Variants in BCAS3 observed in about 807,000 individuals in gnomAD.
BCAS3 encodes the protein BCAS4/BCAS3 fusion.
BCAS3 carries 53 observed loss-of-function variants against 116.1 expected under a neutral mutation model. The observed-to-expected ratio is 0.46, with a 90% confidence interval of 0.37 to 0.57. The LOEUF is 0.57. BCAS3 is among the 20% of genes least tolerant of loss of function. The probability of loss-of-function intolerance (pLI) is 0.00; values close to 1 mark genes in which losing one functional copy is unlikely to be tolerated. For missense variants in BCAS3, 917 were observed against 1,165.4 expected (o/e 0.79, Z 3.10); for synonymous variants, 391 against 408.2 (o/e 0.96, Z 0.51).
At chr17:60,917,414 A>G (rs2120223) in intron 12 of BCAS3, among the ~76,000 whole-genome samples, 111,281 of 152,076 alleles carry the variant, frequency 0.73, 42,019 homozygotes, top group African/African-American at 0.93. Flanking sequence ...TACAGTATTC[A>G]TCCTTTTGTG....
rs913465363 is a variant in BCAS3 at position 61,095,329 on chromosome 17, A to G, written c.2425+10765A>G. ...TTCTTTCTGTTTAGAAAATATTTTTATATAGAATGTAATTGATATTTCTAC... is the reference window on the plus strand; with the variant it reads ...TTCTTTCTGTTTAGAAAATATTTTTGTATAGAATGTAATTGATATTTCTAC... On this transcript the variant is annotated intron_variant, in intron 22 of 23. Coordinates refer to ENST00000407086, the MANE Select transcript of BCAS3 (RefSeq NM_017679.5). This position sits in a 1 kb window ranked among gnomAD's most constrained non-coding sequence, Gnocchi z 4.7. Among the ~76,000 whole-genome samples the G allele has an allele frequency of 3.9e-5, 6 of 152,238 alleles. No homozygotes were observed. The highest frequency in any genetic ancestry group is 9.6e-5 in the African/African-American group (4 of 41,468).
At chr17:60,745,005 AAGAC>A (rs1321942481) in intron 5 of BCAS3, among the ~76,000 whole-genome samples, 2 of 152,162 alleles carry the variant, frequency 1.3e-5, no homozygotes, top group African/African-American at 4.8e-5. Context: ...TGAGTATGCT[AAGAC>A]AGATTTGTTT....
rs561907922 is a variant in BCAS3, at chr17:60,921,167, C to T, written c.994-3240C>T. Among the ~76,000 whole-genome samples the T allele has an allele frequency of 2.4e-4, 36 of 152,194 alleles. No homozygotes were observed. In the South Asian group the frequency reaches 5.4e-3, roughly 23 times the overall value. ...AAGACATGGAATCAGCCTAAGTGCCCGCCAGCAGTGGATTCAATAAAGGAA... is the reference window on the plus strand; with the variant it reads ...AAGACATGGAATCAGCCTAAGTGCCTGCCAGCAGTGGATTCAATAAAGGAA... On this transcript the variant is annotated intron_variant, in intron 12 of 23. Coordinates refer to ENST00000407086, the MANE Select transcript of BCAS3 (RefSeq NM_017679.5).
At chr17:61,359,172 G>A (rs1490319022) in intron 22 of BCAS3, among the ~76,000 whole-genome samples, 1 of 152,094 alleles carries the variant, frequency 6.6e-6, no homozygotes, top group Non-Finnish European at 1.5e-5. Context: ...CTGGCCCAGT[G>A]TTCCCTCAGT....
chr17:60,771,401 G>A (rs2044692333), intron 6 of BCAS3, among the ~76,000 whole-genome samples: 1 of 151,406 alleles, frequency 6.6e-6, no homozygotes, highest in African/African-American at 2.5e-5. Context: ...ATTTTAAGTT[G>A]TCAGGATAAA....
intron 22 of BCAS3, among the ~76,000 whole-genome samples, chr17:61,102,394 A>G (rs1308269718): frequency 6.6e-6 from 1 of 152,174 alleles, no homozygotes; most frequent in Non-Finnish European, 1.5e-5. Context: ...GTTTTAGGTA[A>G]CATTTGGTTA....
chr17:61,385,263 G>A (rs2059789911), intron 23 of BCAS3, among the ~76,000 whole-genome samples: 1 of 152,144 alleles, frequency 6.6e-6, no homozygotes, highest in South Asian at 2.1e-4. Flanking sequence ...AGCACCAGGA[G>A]GCTGCCAGCC....
At chr17:60,851,586 G>T in intron 7 of BCAS3, 1 of 631,580 alleles carries the variant, frequency 1.6e-6, no homozygotes, top group South Asian at 1.7e-5. Flanking sequence ...TTGGGTTAAA[G>T]CTTGAAACGA....
intron 6 of BCAS3, among the ~76,000 whole-genome samples, chr17:60,775,977 T>C (rs1405848379): frequency 6.6e-6 from 1 of 152,110 alleles, no homozygotes; most frequent in Non-Finnish European, 1.5e-5. Context: ...AGGAGAAAGA[T>C]GCAAATGAGA....
At chr17:61,342,668 A>G (rs1194363584) in intron 22 of BCAS3, among the ~76,000 whole-genome samples, 2 of 152,200 alleles carry the variant, frequency 1.3e-5, no homozygotes, top group East Asian at 3.8e-4. Flanking sequence ...CTGGGCAGAC[A>G]GAGATGTGCA....
chr17:61,038,668 G>GTTTTTTTTTTTTTTTTTTTTT (rs1244364326), intron 18 of BCAS3, among the ~76,000 whole-genome samples: 1 of 113,920 alleles, frequency 8.8e-6, no homozygotes, highest in Admixed American at 9.3e-5. Flanking sequence ...TTTTGTTTTT[G>GTTTTTTTTTTTTTTTTTTTTT]TTTTTTTTTT....
In BCAS3 at chr17:61,012,427, C is replaced by A. The variant is rs904272028; in HGVS notation, c.1487-3324C>A. 1.3e-5 allele frequency among the ~76,000 whole-genome samples: 2 copies of A among 152,022 alleles called. No individual in the cohort carries two copies. Among genetic ancestry groups the A allele is most frequent in the Non-Finnish European group, 2.9e-5 (2 of 67,922 alleles). ...CCTTTGCTTATGGCTTACAATCTGA[C>A]TTTTCCACCTCACTGCTGAAACTAC... On this transcript the variant is annotated intron_variant, in intron 15 of 23. Transcript: ENST00000407086. The surrounding 1 kb of genome is among the most constrained non-coding windows in gnomAD (Gnocchi z 4.5).
chr17:60,827,704 T>C (rs1365209888), intron 7 of BCAS3, among the ~76,000 whole-genome samples: 2 of 152,002 alleles, frequency 1.3e-5, no homozygotes, highest in Non-Finnish European at 2.9e-5. Context: ...TCACCCACAA[T>C]AGTTTTCTCA....
In BCAS3 at chr17:61,288,057, A is replaced by G. The variant is rs144435359; in HGVS notation, c.2426-80270A>G. On this transcript the variant is annotated intron_variant, in intron 22 of 23. Transcript: ENST00000407086. ...ACACCAAAGTGTAAAAGACAGTCAGAAGCCCTGGGCTCTGTTGCTGACTTT... is the reference window on the plus strand; with the variant it reads ...ACACCAAAGTGTAAAAGACAGTCAGGAGCCCTGGGCTCTGTTGCTGACTTT... Among the ~76,000 whole-genome samples the G allele has an allele frequency of 4.7e-3, 714 of 152,324 alleles. 2 individuals are homozygous for G. Among genetic ancestry groups the G allele is most frequent in the African/African-American group, 0.015 (637 of 41,564 alleles).
rs952758760 is a variant in BCAS3, at chr17:61,315,073, C to T, written c.2426-53254C>T. Among the ~76,000 whole-genome samples, 2 of 152,046 alleles carry T rather than the reference C, an allele frequency of 1.3e-5. No homozygotes were observed. Among genetic ancestry groups the T allele is most frequent in the African/African-American group, 4.8e-5 (2 of 41,392 alleles). On this transcript the variant is annotated intron_variant, in intron 22 of 23. Transcript: ENST00000407086. This position sits in a 1 kb window ranked among gnomAD's most constrained non-coding sequence, Gnocchi z 5.3. ...AATCCTCTCCCCAGCATTCCAGGGG[C>T]AGTCTCCTCCACACGCCACACTGCT...
In BCAS3 at chr17:61,279,724, T is replaced by G. The variant is rs746081452; in HGVS notation, c.2426-88603T>G. 6.6e-6 allele frequency among the ~76,000 whole-genome samples: 1 copy of G among 151,248 alleles called. No homozygotes were observed. Among genetic ancestry groups the G allele is most frequent in the Non-Finnish European group, 1.5e-5 (1 of 67,930 alleles). On this transcript the variant is annotated intron_variant, in intron 22 of 23. Transcript: ENST00000407086. This position sits in a 1 kb window ranked among gnomAD's most constrained non-coding sequence, Gnocchi z 4.4. ...ACAAACCATGTTTAAAATAGTGGGC[T>G]AAGCCACTGGGCCTCCATGGTGAGG...
chr17:61,331,564 G>A (rs1185134792), intron 22 of BCAS3, among the ~76,000 whole-genome samples: 1 of 152,112 alleles, frequency 6.6e-6, no homozygotes, highest in Non-Finnish European at 1.5e-5. Flanking sequence ...AGGCTGAAGT[G>A]GGAGGATCAC....
In BCAS3 at chr17:61,316,023, G is replaced by A. The variant is rs993751626; in HGVS notation, c.2426-52304G>A. ...ATAGTGACCATCTATAGCAGGTGCT[G>A]GCCAGGCGTGGTGGCTCACACCTTT... On this transcript the variant is annotated intron_variant, in intron 22 of 23. Transcript: ENST00000407086. The surrounding 1 kb of genome is among the most constrained non-coding windows in gnomAD (Gnocchi z 5.8). Among the ~76,000 whole-genome samples the A allele has an allele frequency of 6.6e-6, 1 of 152,140 alleles. No individual in the cohort carries two copies. Among genetic ancestry groups the A allele is most frequent in the Admixed American group, 6.5e-5 (1 of 15,268 alleles).
chr17:60,955,386 A>ATTTTTTTTT lies in BCAS3; in HGVS notation c.1221+8045_1221+8053dup, dbSNP rs1016334366. 5.5e-5 allele frequency among the ~76,000 whole-genome samples: 7 copies of ATTTTTTTTT among 128,084 alleles called. 2 individuals are homozygous for ATTTTTTTTT. The highest frequency in any genetic ancestry group is 2.5e-4 in the African/African-American group (7 of 28,238). 84.0% of individuals were successfully genotyped at this position (128,084 alleles called of 152,430 possible). A position where few individuals can be genotyped will look rare whatever the true frequency, so the allele number is the denominator to read the frequency against. ...AAAGGATCTAGTTCAGGGAAACTGA[A>ATTTTTTTTT]TTTTTTTTTTTTTTTTTTTGAGACA... On this transcript the variant is annotated intron_variant, in intron 14 of 23. Coordinates refer to ENST00000407086, the MANE Select transcript of BCAS3 (RefSeq NM_017679.5).
Sources: gnomAD v4.1 joint callset for allele counts (sites outside exome capture counted in the v4.1 genomes callset) on GRCh38, gnomAD v4.1.1 for gene constraint, Gnocchi (gnomAD v3.1) non-coding constraint, MANE v1.5 for transcripts, NCBI Gene and HGNC (gene_info 2026-07-23, HGNC 2026-07-21) for gene names.